CAMK4: variants seen among roughly 807,000 people sequenced by gnomAD.
The protein encoded by CAMK4 is calcium/calmodulin-dependent protein kinase type IV.
CAMK4 carries 22 observed loss-of-function variants against 44.9 expected under a neutral mutation model. The ratio of observed to expected loss-of-function variants is 0.49; its 90% CI spans 0.35 to 0.70. CAMK4 has a LOEUF of 0.70. CAMK4 is among the 30% of genes least tolerant of loss of function. The probability of loss-of-function intolerance (pLI) is 0.01; values close to 1 mark genes in which losing one functional copy is unlikely to be tolerated. For synonymous variants in CAMK4, 218 were observed against 215.4 expected (o/e 1.01, Z -0.11); for missense variants, 498 against 586.8 (o/e 0.85, Z 1.56).
chr5:111,427,294 G>A (rs1753261365), intron 5 of CAMK4, among the ~76,000 whole-genome samples: 1 of 152,162 alleles, frequency 6.6e-6, no homozygotes, highest in Non-Finnish European at 1.5e-5. Flanking sequence ...AGTCCTGGCA[G>A]TATTCATCAC....
chr5:111,429,603 T>G (rs1753357618), intron 5 of CAMK4, among the ~76,000 whole-genome samples: 1 of 150,704 alleles, frequency 6.6e-6, no homozygotes, highest in African/African-American at 2.4e-5. Flanking sequence ...CGAAACCCGA[T>G]CTCTACCAAA....
At chr5:111,344,410 A>G (rs5870442) in intron 2 of CAMK4, among the ~76,000 whole-genome samples, 4 of 62,800 alleles carry the variant, frequency 6.4e-5, no homozygotes, top group East Asian at 5.2e-4. Flanking sequence ...ATATATATAT[A>G]TGTATATACA....
intron 1 of CAMK4, among the ~76,000 whole-genome samples, chr5:111,281,529 G>C (rs1244273746): frequency 6.6e-6 from 1 of 152,122 alleles, no homozygotes. Context: ...AGAAGGAAGA[G>C]AATAGCATTT....
intron 1 of CAMK4, among the ~76,000 whole-genome samples, chr5:111,315,380 G>A (rs1748375962): frequency 6.6e-6 from 1 of 152,002 alleles, no homozygotes; most frequent in South Asian, 2.1e-4. Context: ...CATTGTAGGT[G>A]GTGCACAGAA....
chr5:111,228,609 A>G (rs978474352), intron 1 of CAMK4, among the ~76,000 whole-genome samples: 4 of 151,024 alleles, frequency 2.6e-5, no homozygotes, highest in South Asian at 2.1e-4. Flanking sequence ...GCACTTTAAT[A>G]TTTTCTATTA....
At chr5:111,337,139 A>G (rs1749440358) in intron 1 of CAMK4, among the ~76,000 whole-genome samples, 1 of 151,246 alleles carries the variant, frequency 6.6e-6, no homozygotes, top group East Asian at 1.9e-4. Flanking sequence ...AACCTGTGAG[A>G]GTATTATAAA....
At chr5:111,342,779 A>G (rs1438181792) in intron 1 of CAMK4, among the ~76,000 whole-genome samples, 3 of 151,542 alleles carry the variant, frequency 2.0e-5, no homozygotes, top group Non-Finnish European at 4.4e-5. Flanking sequence ...AGAATTAGTC[A>G]TTGCCATAGG....
intron 1 of CAMK4, among the ~76,000 whole-genome samples, chr5:111,269,772 C>G (rs906091739): frequency 1.3e-5 from 2 of 152,140 alleles, no homozygotes; most frequent in African/African-American, 4.8e-5. Context: ...CCCATTGAGC[C>G]ACCTTCTTGT....
At chr5:111,323,653 A>G (rs975963908) in intron 1 of CAMK4, among the ~76,000 whole-genome samples, 1 of 152,118 alleles carries the variant, frequency 6.6e-6, no homozygotes, top group East Asian at 1.9e-4. Flanking sequence ...AGAATTGTAT[A>G]TCTTGTTAAA....
At chr5:111,392,358 C>G (rs915159449) in intron 4 of CAMK4, among the ~76,000 whole-genome samples, 2 of 152,054 alleles carry the variant, frequency 1.3e-5, no homozygotes, top group Non-Finnish European at 2.9e-5. Flanking sequence ...CATGACAACT[C>G]ACTCACAGTC....
chr5:111,470,924 A>G (rs1755040999), intron 7 of CAMK4, among the ~76,000 whole-genome samples: 1 of 152,194 alleles, frequency 6.6e-6, no homozygotes, highest in Admixed American at 6.5e-5. Context: ...GGCCCTCCAG[A>G]AAGTCAACAG....
At chr5:111,345,661 A>G (rs1034685922) in intron 2 of CAMK4, among the ~76,000 whole-genome samples, 3 of 151,982 alleles carry the variant, frequency 2.0e-5, no homozygotes, top group Non-Finnish European at 4.4e-5. Flanking sequence ...ATAAATACTT[A>G]GAAATTACAT....
chr5:111,230,565 GAAA>G (rs34590737), intron 1 of CAMK4, among the ~76,000 whole-genome samples: 27 of 141,790 alleles, frequency 1.9e-4, no homozygotes, highest in South Asian at 8.9e-4. Flanking sequence ...GATTTTGGGG[GAAA>G]AAAAAAAAAA....
intron 1 of CAMK4, among the ~76,000 whole-genome samples, chr5:111,274,178 T>C (rs1750660707): frequency 6.6e-6 from 1 of 152,136 alleles, no homozygotes; most frequent in South Asian, 2.1e-4. Context: ...CCTTACTTTA[T>C]TCAAGTCTCT....
chr5:111,321,877 A>G (rs762101559), intron 1 of CAMK4, among the ~76,000 whole-genome samples: 1 of 152,134 alleles, frequency 6.6e-6, no homozygotes, highest in Non-Finnish European at 1.5e-5. Context: ...ATCTCCTTCA[A>G]TCACAAGTTT....
chr5:111,375,002 G>GC, intron 3 of CAMK4, 90 bp downstream of exon 3: 1 of 683,698 alleles, frequency 1.5e-6, no homozygotes, highest in South Asian at 1.5e-5. Flanking sequence ...ATAATGAGAA[G>GC]GGATTCTCCC....
chr5:111,260,483 C>T (rs1389783535), intron 1 of CAMK4, among the ~76,000 whole-genome samples: 3 of 152,146 alleles, frequency 2.0e-5, no homozygotes, highest in African/African-American at 7.2e-5. Context: ...CCAAGGCTCT[C>T]CCCTCAGCCT....
At chr5:111,476,195 CT>C (rs1755229017) in intron 8 of CAMK4, among the ~76,000 whole-genome samples, 1 of 151,668 alleles carries the variant, frequency 6.6e-6, no homozygotes, top group Non-Finnish European at 1.5e-5. Context: ...TTTTGTCCCT[CT>C]TCTTGTGGCT....
intron 1 of CAMK4, among the ~76,000 whole-genome samples, chr5:111,319,223 A>G (rs915868152): frequency 1.3e-5 from 2 of 152,108 alleles, no homozygotes; most frequent in Admixed American, 1.3e-4. Flanking sequence ...TTGTTCCAAT[A>G]GTAGTAGTGA....
Sources: gnomAD v4.1 joint callset for allele counts (sites outside exome capture counted in the v4.1 genomes callset) on GRCh38, gnomAD v4.1.1 for gene constraint, MANE v1.5 for transcripts, NCBI Gene and HGNC (gene_info 2026-07-23, HGNC 2026-07-21) for gene names.